The following MARCHF5 variants were observed in gnomAD, a reference collection of about 807,000 sequenced individuals.
The protein encoded by MARCHF5 is membrane associated ring-CH-type finger 5.
In MARCHF5, 5 loss-of-function variants were observed where a neutral mutation model predicts 36.5. The observed-to-expected ratio is 0.14, with a 90% CI of 0.07 to 0.29. MARCHF5 has a LOEUF of 0.29. MARCHF5 is among the 10% of genes least tolerant of loss of function. MARCHF5 has a pLI of 1.00. For missense variants in MARCHF5, 179 were observed against 336.3 expected, an observed-to-expected ratio of 0.53 and a Z score of 3.66; for synonymous variants, 103 against 109.9, an observed-to-expected ratio of 0.94 and a Z score of 0.39.
intron 2 of MARCHF5, among the ~76,000 whole-genome samples, chr10:92,326,624 A>T (rs1843363532): frequency 1.3e-5 from 2 of 152,182 alleles, no homozygotes; most frequent in Non-Finnish European, 2.9e-5. Context: ...ACTAGAATTG[A>T]AAGACAAGTG....
Position 92,318,003 on chromosome 10 carries a change from A to G in MARCHF5, c.238+6666A>G, listed in dbSNP as rs1590654830. 3.3e-5 allele frequency among the ~76,000 whole-genome samples: 5 copies of G among 152,140 alleles called. 1 individual carries two copies. ...TGACCTCAGGTGATCCACCCGCCTA[A>G]GCCTCCCAAAGTGCTGGGATTACAG... On this transcript the variant is annotated intron_variant, in intron 2 of 5. Coordinates refer to ENST00000358935, the MANE Select transcript of MARCHF5 (RefSeq NM_017824.5).
intron 1 of MARCHF5, among the ~76,000 whole-genome samples, chr10:92,304,142 C>T (rs1843046554): frequency 1.3e-5 from 2 of 152,148 alleles, no homozygotes; most frequent in South Asian, 4.1e-4. Context: ...GAATCCAGAA[C>T]ATTTTCCACT....
At chr10:92,350,417 C>T (rs1248495793) in intron 5 of MARCHF5, 2 of 152,662 alleles carry the variant, frequency 1.3e-5, no homozygotes, top group Non-Finnish European at 2.9e-5. Flanking sequence ...GGTCAGGGGG[C>T]ACCTTGCCTC....
chr10:92,316,374 A>T (rs1299720400), intron 2 of MARCHF5, among the ~76,000 whole-genome samples: 1 of 152,092 alleles, frequency 6.6e-6, no homozygotes, highest in Non-Finnish European at 1.5e-5. Flanking sequence ...TTTGCCACCC[A>T]TGTTACAGTT....
At chr10:92,294,451 C>G (rs1243745472) in intron 1 of MARCHF5, among the ~76,000 whole-genome samples, 1 of 152,152 alleles carries the variant, frequency 6.6e-6, no homozygotes. Context: ...ATGTTTACAG[C>G]TTTCTTCACC....
chr10:92,293,167 A>G (rs569945434), intron 1 of MARCHF5, among the ~76,000 whole-genome samples: 90 of 152,128 alleles, frequency 5.9e-4, no homozygotes, highest in Non-Finnish European at 1.5e-4. Context: ...TGGCATTGGC[A>G]TGATCTCAAC....
At chr10:92,327,071 C>T (rs1342102834) in intron 2 of MARCHF5, among the ~76,000 whole-genome samples, 4 of 151,990 alleles carry the variant, frequency 2.6e-5, no homozygotes, top group East Asian at 1.9e-4. Context: ...AATCTACAAA[C>T]GTAAGAGTTA....
intron 1 of MARCHF5, among the ~76,000 whole-genome samples, chr10:92,301,439 G>T (rs1465688324): frequency 6.6e-6 from 1 of 152,208 alleles, no homozygotes; most frequent in Non-Finnish European, 1.5e-5. Context: ...TGATGATTTG[G>T]AGTCATGGCC....
chr10:92,325,051 A>G (rs1157602866), intron 2 of MARCHF5, among the ~76,000 whole-genome samples: 4 of 152,038 alleles, frequency 2.6e-5, no homozygotes, highest in Non-Finnish European at 5.9e-5. Flanking sequence ...TTTAAAATAG[A>G]GTGGTGAGTG....
intron 1 of MARCHF5, among the ~76,000 whole-genome samples, chr10:92,297,766 A>G (rs2135175112): frequency 6.6e-6 from 1 of 152,104 alleles, no homozygotes; most frequent in African/African-American, 2.4e-5. Flanking sequence ...CTGGGATTTC[A>G]GGCATGAGCC....
At chr10:92,319,006 G>A (rs1369582917) in intron 2 of MARCHF5, among the ~76,000 whole-genome samples, 2 of 151,876 alleles carry the variant, frequency 1.3e-5, no homozygotes, top group East Asian at 2.0e-4. Context: ...TGTGCCTGAC[G>A]ACTTTTCACC....
chr10:92,293,182 T>A (rs1004167001), intron 1 of MARCHF5, among the ~76,000 whole-genome samples: 9 of 152,096 alleles, frequency 5.9e-5, no homozygotes, highest in Admixed American at 2.6e-4. Flanking sequence ...CTCAACTCAC[T>A]GCAACCCCCG....
chr10:92,347,693 T>C (rs1843665441), intron 3 of MARCHF5, among the ~76,000 whole-genome samples: 1 of 152,194 alleles, frequency 6.6e-6, no homozygotes, highest in African/African-American at 2.4e-5. Flanking sequence ...AAGGATCACC[T>C]TCCACATGCA....
At chr10:92,304,379 T>G (rs1022561242) in intron 1 of MARCHF5, among the ~76,000 whole-genome samples, 4 of 152,228 alleles carry the variant, frequency 2.6e-5, no homozygotes. Context: ...ATAAAACATT[T>G]TTTATGCTAA....
chr10:92,306,071 C>T (rs1240682956), intron 1 of MARCHF5, among the ~76,000 whole-genome samples: 1 of 152,206 alleles, frequency 6.6e-6, no homozygotes, highest in Non-Finnish European at 1.5e-5. Flanking sequence ...AAATCTACTG[C>T]TTTATGTGAG....
chr10:92,306,215 G>A (rs908119261), intron 1 of MARCHF5, among the ~76,000 whole-genome samples: 2 of 152,136 alleles, frequency 1.3e-5, no homozygotes, highest in Admixed American at 6.5e-5. Flanking sequence ...GTCAGCAATA[G>A]CCTCACATTC....
chr10:92,348,713 T>C (rs1226386890), intron 3 of MARCHF5, among the ~76,000 whole-genome samples: 1 of 152,074 alleles, frequency 6.6e-6, no homozygotes, highest in African/African-American at 2.4e-5. Context: ...AGTTCCTGAA[T>C]TGGGAAAAAT....
In MARCHF5 at chr10:92,351,895, T is replaced by G. The variant is rs1843718294; in HGVS notation, c.*688T>G. 1 of 134,788 alleles carries G rather than the reference T, an allele frequency of 7.4e-6. No individual in the cohort carries two copies. Among genetic ancestry groups the G allele is most frequent in the Non-Finnish European group, 1.6e-5 (1 of 63,362 alleles). 8.3% of individuals were successfully genotyped at this position (134,788 alleles called of 1,614,324 possible). A position where few individuals can be genotyped will look rare whatever the true frequency, so the allele number is the denominator to read the frequency against. ...TACTTCATGAAGTAATTTTGACTCA[T>G]GCAGTCGTGTGTGTGTGTGTGTGTG... On this transcript the variant is annotated 3_prime_UTR_variant, in exon 6 of 6. Transcript: ENST00000358935.
chr10:92,321,429 C>T (rs981545844), intron 2 of MARCHF5, among the ~76,000 whole-genome samples: 6 of 151,996 alleles, frequency 3.9e-5, no homozygotes, highest in African/African-American at 7.3e-5. Context: ...ATATTAGACT[C>T]GCCTGGGGTT....
Sources: allele counts gnomAD v4.1 joint callset (sites outside exome capture counted in the v4.1 genomes callset), GRCh38; gene constraint gnomAD v4.1.1; transcripts MANE v1.5; gene names NCBI Gene and HGNC (gene_info 2026-07-23, HGNC 2026-07-21).